MGAT5: variants seen among roughly 807,000 people sequenced by gnomAD.
MGAT5 encodes the protein alpha-1,6-mannosylglycoprotein 6-beta-N-acetylglucosaminyltransferase A.
Under a neutral mutation model 94.3 loss-of-function variants are expected in MGAT5, and 30 were observed. The observed-to-expected ratio is 0.32, with a 90% CI of 0.24 to 0.43. The LOEUF is 0.43. Ranked by LOEUF, MGAT5 falls within the 20% of genes least tolerant of loss-of-function variation. MGAT5 has a pLI of 1.00. For synonymous variants in MGAT5, 310 were observed against 322.9 expected, an observed-to-expected ratio of 0.96 and a Z score of 0.43; for missense variants, 691 against 905.5, an observed-to-expected ratio of 0.76 and a Z score of 3.04.
intron 12 of MGAT5, among the ~76,000 whole-genome samples, chr2:134,419,916 T>C (rs1684203179): frequency 6.6e-6 from 1 of 152,212 alleles, no homozygotes. Context: ...ATCTAATCAG[T>C]TCTCCAGGCC....
intron 6 of MGAT5, among the ~76,000 whole-genome samples, chr2:134,339,421 T>C (rs966309735): frequency 6.6e-6 from 1 of 152,330 alleles, no homozygotes; most frequent in Non-Finnish European, 1.5e-5. Context: ...CAGATACATA[T>C]ATTTGCTTCT....
Position 134,426,205 on chromosome 2 carries a change from A to ACTTCCTTCCTTCCTTC in MGAT5, c.1795-2151_1795-2136dup, listed in dbSNP as rs112848952. ...TATAGACCTACCTTCTGACTCACCG[A>ACTTCCTTCCTTCCTTC]CTTCCTTCCTTCCTTCCTTCCTTCA... On this transcript the variant is annotated intron_variant, in intron 13 of 15. Transcript: ENST00000281923. 5.2e-3 allele frequency among the ~76,000 whole-genome samples: 711 copies of ACTTCCTTCCTTCCTTC among 136,094 alleles called. 5 individuals carry two copies. The highest frequency in any genetic ancestry group is 0.03 in the South Asian group (129 of 4,324). 89.3% of individuals were successfully genotyped at this position (136,094 alleles called of 152,430 possible). A position where few individuals can be genotyped will look rare whatever the true frequency, so the allele number is the denominator to read the frequency against.
In MGAT5 at chr2:134,317,610, G is replaced by C; in HGVS notation, c.483+5G>C. ...CACTGTGAGGGAAAGATCAAGGTAAGGCAGAGGCAAGCATCATCCCCAATC... is the reference window on the plus strand; with the variant it reads ...CACTGTGAGGGAAAGATCAAGGTAACGCAGAGGCAAGCATCATCCCCAATC... On this transcript the variant is annotated splice_donor_5th_base_variant and intron_variant, in intron 3 of 15. Coordinates refer to ENST00000281923, the MANE Select transcript of MGAT5 (RefSeq NM_002410.5). 1 of 1,542,526 alleles carries C rather than the reference G, an allele frequency of 6.5e-7. No homozygotes were observed. Among genetic ancestry groups the C allele is most frequent in the Non-Finnish European group, 8.7e-7 (1 of 1,146,924 alleles).
intron 9 of MGAT5, among the ~76,000 whole-genome samples, chr2:134,353,431 A>C (rs544939049): frequency 1.4e-4 from 21 of 152,326 alleles, no homozygotes; most frequent in South Asian, 6.2e-4. Flanking sequence ...GTATACAAAA[A>C]GAGGAGAGTA....
chr2:134,233,152 AG>A (rs1261002024), intron 1 of MGAT5, among the ~76,000 whole-genome samples: 1 of 152,214 alleles, frequency 6.6e-6, no homozygotes. Context: ...GTAAAATATA[AG>A]GGTACAGGGC....
chr2:134,301,310 T>A (rs571233067), intron 2 of MGAT5, among the ~76,000 whole-genome samples: 1 of 152,324 alleles, frequency 6.6e-6, no homozygotes, highest in East Asian at 1.9e-4. Flanking sequence ...AGTTGTGAGC[T>A]GTTATGAATA....
At chr2:134,377,601 C>T (rs6749907) in intron 10 of MGAT5, among the ~76,000 whole-genome samples, 3,261 of 152,216 alleles carry the variant, frequency 0.021, 119 homozygotes, top group African/African-American at 0.069. Flanking sequence ...CTTTACCTTC[C>T]GGTTTCTTTC....
intron 10 of MGAT5, among the ~76,000 whole-genome samples, chr2:134,369,727 T>TTGTGTGTGTGTGTG (rs10526028): frequency 0.072 from 10,287 of 142,078 alleles, 407 homozygotes; most frequent in Non-Finnish European, 0.078. Flanking sequence ...GGTTTTTACA[T>TTGTGTGTGTGTGTG]TGTGTGTGTG....
intron 4 of MGAT5, among the ~76,000 whole-genome samples, chr2:134,321,326 A>G (rs538511751): frequency 6.6e-6 from 1 of 152,332 alleles, no homozygotes; most frequent in South Asian, 2.1e-4. Flanking sequence ...GGCTAATTTC[A>G]TGCCTTCCTA....
rs192867568 is a variant in MGAT5, at chr2:134,453,195, A to G, written c.*4348A>G. The G allele has an allele frequency of 2.7e-4, 41 of 152,330 alleles. No homozygotes were observed. Among genetic ancestry groups the G allele is most frequent in the Admixed American group, 4.6e-4 (7 of 15,308 alleles). The allele number at this position is 152,330 out of a possible 1,614,324, so 9.4% of individuals were successfully genotyped here. ...ATACCTACATGAAAACATGATTCCAAGTTGATTGAATGTTGTAGGAATTAC... is the reference window on the plus strand; with the variant it reads ...ATACCTACATGAAAACATGATTCCAGGTTGATTGAATGTTGTAGGAATTAC... On this transcript the variant is annotated 3_prime_UTR_variant, in exon 16 of 16. Coordinates refer to ENST00000281923, the MANE Select transcript of MGAT5 (RefSeq NM_002410.5).
intron 2 of MGAT5, among the ~76,000 whole-genome samples, chr2:134,306,353 G>T (rs1010445702): frequency 6.6e-6 from 1 of 152,056 alleles, no homozygotes; most frequent in African/African-American, 2.4e-5. Flanking sequence ...CAGTCTCAAA[G>T]CTGCTAGAAT....
chr2:134,248,501 G>A (rs921496521), intron 1 of MGAT5, among the ~76,000 whole-genome samples: 5 of 152,192 alleles, frequency 3.3e-5, no homozygotes, highest in Admixed American at 3.3e-4. Context: ...CTGGAGATGT[G>A]GGTGGGATTT....
intron 2 of MGAT5, among the ~76,000 whole-genome samples, chr2:134,275,350 G>A (rs1469860930): frequency 1.3e-5 from 2 of 152,190 alleles, no homozygotes; most frequent in East Asian, 3.9e-4. Context: ...CTATTCTTTT[G>A]GTATCTTTAC....
intron 1 of MGAT5, among the ~76,000 whole-genome samples, chr2:134,121,973 G>C (rs1050127048): frequency 6.6e-6 from 1 of 152,038 alleles, no homozygotes; most frequent in Admixed American, 6.5e-5. Flanking sequence ...TCTGAGATTT[G>C]TGGTGAATGA....
chr2:134,346,533 G>C (rs1487080238), intron 8 of MGAT5, among the ~76,000 whole-genome samples: 1 of 152,014 alleles, frequency 6.6e-6, no homozygotes, highest in African/African-American at 2.4e-5. Flanking sequence ...GTTTCTAGCT[G>C]ATTTCTTTCC....
rs148545782 is a variant in MGAT5, at chr2:134,288,921, C to A, written c.406+18371C>A. Among the ~76,000 whole-genome samples the A allele has an allele frequency of 6.8e-3, 1,036 of 152,300 alleles. 8 individuals are homozygous for A. The highest frequency in any genetic ancestry group is 0.024 in the African/African-American group (989 of 41,562). On this transcript the variant is annotated intron_variant, in intron 2 of 15. Transcript: ENST00000281923. Reference sequence around the variant, plus strand: ...TCAAACCTCTCATTGTCACTGTTTTCACAGCATTGTAAAACACATTACATT... The same window carrying A: ...TCAAACCTCTCATTGTCACTGTTTTAACAGCATTGTAAAACACATTACATT...
chr2:134,400,227 C>A (rs550556165), intron 10 of MGAT5, among the ~76,000 whole-genome samples: 1 of 152,170 alleles, frequency 6.6e-6, no homozygotes, highest in Admixed American at 6.5e-5. Flanking sequence ...CTGGAATAGG[C>A]AGCGTGGTTC....
chr2:134,135,690 CAAAAAAAAAAAAA>C (rs59026836), intron 1 of MGAT5, among the ~76,000 whole-genome samples: 9 of 41,712 alleles, frequency 2.2e-4, no homozygotes, highest in African/African-American at 9.3e-4. Context: ...GACTCCATCT[CAAAAAAAAAAAAA>C]AAAAAAAAAA....
At chr2:134,366,304 G>A (rs1680426622) in intron 10 of MGAT5, among the ~76,000 whole-genome samples, 3 of 152,192 alleles carry the variant, frequency 2.0e-5, no homozygotes, top group African/African-American at 7.2e-5. Flanking sequence ...TTTGAAATAT[G>A]GGAATTGAAG....
Sources: gnomAD v4.1 joint callset for allele counts (sites outside exome capture counted in the v4.1 genomes callset) on GRCh38, gnomAD v4.1.1 for gene constraint, MANE v1.5 for transcripts, NCBI Gene and HGNC (gene_info 2026-07-23, HGNC 2026-07-21) for gene names.